The following SHKBP1 variants were observed in gnomAD, a reference collection of about 807,000 sequenced individuals.
The protein encoded by SHKBP1 is SH3KBP1 binding protein 1, also known as SH3KBP1-binding protein 1.
A neutral mutation model predicts 83.9 loss-of-function variants in SHKBP1; 71 were observed. That is an observed-to-expected ratio of 0.85 (90% CI 0.70 to 1.03). The LOEUF (loss-of-function observed/expected upper bound fraction) is 1.03, where lower values mean the gene tolerates loss of function less well. Ranked by LOEUF, SHKBP1 falls within the 50% of genes least tolerant of loss-of-function variation. SHKBP1 has a pLI of 0.00. For missense variants in SHKBP1, 824 were observed against 982.4 expected (o/e 0.84, Z 2.16); for synonymous variants, 371 against 398.0 (o/e 0.93, Z 0.81).
chr19:40,583,755 GCCAGCC>G (rs764678855), intron 12 of SHKBP1, 38 bp downstream of exon 12: 1 of 1,504,938 alleles, frequency 6.6e-7, no homozygotes, highest in Non-Finnish European at 9.2e-7. Flanking sequence ...GCTGTCACCT[GCCAGCC>G]CCAGCCCCAG....
At chr19:40,577,769 G>C in intron 4 of SHKBP1, 139 bp downstream of exon 4, 2 of 1,099,862 alleles carry the variant, frequency 1.8e-6, no homozygotes, top group South Asian at 2.6e-5. Flanking sequence ...GGGCGCGCCG[G>C]GATTGCTCAC....
chr19:40,576,993 TG>T lies in SHKBP1; in HGVS notation c.86+11del. ...GAATGTGGGAGGCAAGAGGTGAGTG[TG>T]GGAGACTCCTGAGGTCCCATCCTCG... On this transcript the variant is annotated intron_variant, in intron 1 of 17. Coordinates refer to ENST00000291842, the MANE Select transcript of SHKBP1 (RefSeq NM_138392.4). The T allele has an allele frequency of 6.6e-7, 1 of 1,513,460 alleles. No individual in the cohort carries two copies. The highest frequency in any genetic ancestry group is 8.9e-7 in the Non-Finnish European group (1 of 1,128,170). 93.8% of individuals were successfully genotyped at this position (1,513,460 alleles called of 1,614,324 possible). A position where few individuals can be genotyped will look rare whatever the true frequency, so the allele number is the denominator to read the frequency against.
intron 1 of SHKBP1, 115 bp from the exon 2 acceptor site, chr19:40,577,116 C>A: frequency 1.4e-6 from 2 of 1,385,956 alleles, no homozygotes; most frequent in South Asian, 1.3e-5. Flanking sequence ...GCGCGAGATT[C>A]TGGAAAAACG....
Position 40,580,593 on chromosome 19 carries a change from G to GC in SHKBP1, c.592dup (p.Leu198ProfsTer7). 6.2e-7 allele frequency: 1 copy of GC among 1,614,146 alleles called. No homozygotes were observed. Among genetic ancestry groups the GC allele is most frequent in the African/African-American group, 1.3e-5 (1 of 75,034 alleles). ...CAACCTGAGGAGCCGGGGATGGTGC[G>GC]CCTGGTGTGTGGACACCATAATTGG... On this transcript the variant is annotated frameshift_variant, in exon 8 of 18. Transcript: ENST00000291842. LOFTEE classifies it high-confidence loss of function.
intron 1 of SHKBP1, 102 bp downstream of exon 1, chr19:40,577,087 GCC>G (rs35684786): frequency 0.011 from 11,304 of 1,008,564 alleles, 20 homozygotes; most frequent in African/African-American, 0.02. Context: ...GGGTTGCTCC[GCC>G]CCCCCCCCCT....
chr19:40,591,285 C>A lies in SHKBP1; in HGVS notation c.*78C>A. On this transcript the variant is annotated 3_prime_UTR_variant, in exon 18 of 18. Transcript: ENST00000291842. ...TGCCTCCCTGATTCCTGTGGGAACC[C>A]CGGGTTCAGGGCCAGGGCCTCCTTG... The A allele has an allele frequency of 7.6e-7, 1 of 1,321,258 alleles. No individual in the cohort carries two copies. The highest frequency in any genetic ancestry group is 2.5e-5 in the Admixed American group (1 of 39,284). The allele number at this position is 1,321,258 out of a possible 1,614,324, so 81.8% of individuals were successfully genotyped here.
At position 40,578,690 on chromosome 19, in the gene SHKBP1, G is replaced by C; in HGVS notation, c.400+148G>C. 4 of 720,190 alleles carry C rather than the reference G, an allele frequency of 5.6e-6. No individual in the cohort carries two copies. In the Admixed American group the frequency reaches 9.5e-5, roughly 17 times the overall value. 44.6% of individuals were successfully genotyped at this position (720,190 alleles called of 1,614,324 possible). ...TATCAGATGCTTGGGCTGATGCTTGGAAAGGAAGTTGGACACAGCATTTCC... is the reference window on the plus strand; with the variant it reads ...TATCAGATGCTTGGGCTGATGCTTGCAAAGGAAGTTGGACACAGCATTTCC... On this transcript the variant is annotated intron_variant, in intron 6 of 17. Coordinates refer to ENST00000291842, the MANE Select transcript of SHKBP1 (RefSeq NM_138392.4).
In SHKBP1 at chr19:40,576,945, C is replaced by T; in HGVS notation, c.46C>T (p.Pro16Ser). ...TAAEGVPSRG[P>S]PGEVIHLNVG... ...AGCCGAGGGGGTCCCCAGTCGGGGG[C>T]CTCCCGGGGAAGTCATTCATCTGAA... Residue 16 changes from proline to serine, a missense_variant, in exon 1 of 18, where the codon CCT becomes TCT. Coordinates refer to ENST00000291842, the MANE Select transcript of SHKBP1 (RefSeq NM_138392.4). 1 of 1,497,412 alleles carries T rather than the reference C, an allele frequency of 6.7e-7. No homozygotes were observed. The highest frequency in any genetic ancestry group is 8.9e-7 in the Non-Finnish European group (1 of 1,127,772). The allele number at this position is 1,497,412 out of a possible 1,614,324, so 92.8% of individuals were successfully genotyped here.
intron 10 of SHKBP1, 29 bp downstream of exon 10, chr19:40,582,495 C>G (rs73051877): frequency 6.3e-7 from 1 of 1,597,842 alleles, no homozygotes. Context: ...CTGGCTGCCC[C>G]CTTCCCAGTT....
In SHKBP1 at chr19:40,578,511, C is replaced by G. The variant is rs763912330; in HGVS notation, c.369C>G (p.Asn123Lys). 4 of 1,614,142 alleles carry G rather than the reference C, an allele frequency of 2.5e-6. No homozygotes were observed. The highest frequency in any genetic ancestry group is 3.4e-6 in the Non-Finnish European group (4 of 1,180,028). Residue 123 changes from asparagine to lysine, a missense_variant, in exon 6 of 18, where the codon AAC becomes AAG. Around this residue, in one of 3 missense-constraint regions of SHKBP1, gnomAD observed 355 missense variants for 386.4 expected, o/e 0.92. Transcript: ENST00000291842. The stretch of plus-strand genomic sequence containing the variant: ...AGTTGGATCGATCTTCTTGTGGAAA[C>G]GTCCTCTTCAATGGTTACCTGCCGC... The part of the protein sequence containing the change: ...REELDRSSCG[N>K]VLFNGYLPPP...
rs1231852437 is a variant in SHKBP1 at position 40,577,968 on chromosome 19, CA to C, written c.261-185del. 1.8e-4 allele frequency: 118 copies of C among 672,756 alleles called. No homozygotes were observed. In the African/African-American group the frequency reaches 1.8e-3, roughly 10 times the overall value. 41.7% of individuals were successfully genotyped at this position (672,756 alleles called of 1,614,324 possible). A position where few individuals can be genotyped will look rare whatever the true frequency, so the allele number is the denominator to read the frequency against. Reference sequence around the variant, plus strand: ...CTCCCTACACACACACACACACACACACACACACACACACACACACACACTC... The same window carrying C: ...CTCCCTACACACACACACACACACACCACACACACACACACACACACACTC... On this transcript the variant is annotated intron_variant, in intron 4 of 17. Transcript: ENST00000291842.
chr19:40,590,724 C>T lies in SHKBP1; in HGVS notation c.1769-6C>T. ...TGCCCCCTGACCCTGCTTCCGTGCC[C>T]CCCAGCAGGTGGCCTGACGGAGCAA... On this transcript the variant is annotated splice_polypyrimidine_tract_variant and splice_region_variant and intron_variant, in intron 16 of 17. Transcript: ENST00000291842. This position sits in a 1 kb window ranked among gnomAD's most constrained non-coding sequence, Gnocchi z 4.6. 1.3e-6 allele frequency: 2 copies of T among 1,582,460 alleles called. No homozygotes were observed. Among genetic ancestry groups the T allele is most frequent in the Non-Finnish European group, 1.7e-6 (2 of 1,158,628 alleles).
Position 40,580,897 on chromosome 19 carries a change from C to CTATG in SHKBP1, c.806_809dup (p.Trp270CysfsTer63). The CTATG allele has an allele frequency of 6.2e-7, 1 of 1,603,550 alleles. No homozygotes were observed. The highest frequency in any genetic ancestry group is 8.5e-7 in the Non-Finnish European group (1 of 1,174,044). ...AGCAGCCACCGGCAGCGAGATCCTG[C>CTATG]TATGGGCTCTGCAGGCGGAAGGCGG... On this transcript the variant is annotated frameshift_variant, in exon 9 of 18. Coordinates refer to ENST00000291842, the MANE Select transcript of SHKBP1 (RefSeq NM_138392.4). LOFTEE classifies it high-confidence loss of function.
chr19:40,586,344 G>C (rs1227689695), intron 12 of SHKBP1, among the ~76,000 whole-genome samples: 4 of 150,418 alleles, frequency 2.7e-5, no homozygotes. Flanking sequence ...CTGTGTCTCT[G>C]TTCTGTGTCT....
chr19:40,588,813 G>A (rs778377412), intron 14 of SHKBP1, 34 bp downstream of exon 14: 1 of 1,607,142 alleles, frequency 6.2e-7, no homozygotes, highest in East Asian at 2.2e-5. Context: ...CCACCCCACT[G>A]ACCCCCTTAC....
chr19:40,580,464 A>G lies in SHKBP1; in HGVS notation c.541A>G (p.Lys181Glu). ...GCTGCTGGGCCGAATGCTGGATGAGAAAACCCCTCCCTCACCCTCAGGTAC... is the reference window on the plus strand; with the variant it reads ...GCTGCTGGGCCGAATGCTGGATGAGGAAACCCCTCCCTCACCCTCAGGTAC... ...AGLLGRMLDE[K>E]TPPSPSGQPE... is the part of the protein sequence containing the mutation. Residue 181 changes from lysine (K) to glutamate (E), a missense_variant, in exon 7 of 18, where the codon AAA (lysine) becomes GAA (glutamate). By Grantham distance (56) the Lys-to-Glu change is moderately conservative. Around this residue, in one of 3 missense-constraint regions of SHKBP1, gnomAD observed 355 missense variants for 386.4 expected, o/e 0.92. Transcript: ENST00000291842. 6.2e-7 allele frequency: 1 copy of G among 1,612,180 alleles called. No homozygotes were observed. Among genetic ancestry groups the G allele is most frequent in the South Asian group, 1.1e-5 (1 of 91,024 alleles).
Position 40,589,153 on chromosome 19 carries a change from G to C in SHKBP1, c.1564G>C (p.Val522Leu). The stretch of plus-strand genomic sequence containing the variant: ...GGTGCCCAGTGCCAGCCAGCTCTTC[G>C]TGCGTCTCTCATCTACTGGGCAGCG... ...KVVPSASQLF[V>L]RLSSTGQRVC... Residue 522 changes from valine to leucine, a missense_variant, in exon 15 of 18, where the codon GTG (valine) becomes CTG (leucine). Physicochemically the swap from Val to Leu is conservative, Grantham distance 32. Coordinates refer to ENST00000291842, the MANE Select transcript of SHKBP1 (RefSeq NM_138392.4). 2 of 1,613,152 alleles carry C rather than the reference G, an allele frequency of 1.2e-6. No homozygotes were observed. The highest frequency in any genetic ancestry group is 8.5e-7 in the Non-Finnish European group (1 of 1,179,878).
rs540962684 is a variant in SHKBP1, at chr19:40,578,285, C to T, written c.319+73C>T. 152 of 1,533,946 alleles carry T rather than the reference C, an allele frequency of 9.9e-5. 3 individuals carry two copies. The South Asian group carries it at 1.7e-3, about 17-fold the overall frequency. ...TCTGTGATGCTACCTGCCCCTCTTC[C>T]CCTTCTCTCCTGAAAGAGGGCTGGG... On this transcript the variant is annotated intron_variant, in intron 5 of 17. Transcript: ENST00000291842.
chr19:40,589,520 T>G, intron 15 of SHKBP1, among the ~76,000 whole-genome samples: 2 of 8,614 alleles, frequency 2.3e-4, no homozygotes, highest in Non-Finnish European at 2.2e-4. Context: ...CGGGGTGGGA[T>G]GGGGGGACCA....
Sources: allele counts gnomAD v4.1 joint callset (sites outside exome capture counted in the v4.1 genomes callset), GRCh38; gene constraint gnomAD v4.1.1; regional missense constraint gnomAD v4.1.1; non-coding constraint Gnocchi (gnomAD v3.1); transcripts MANE v1.5; gene names NCBI Gene and HGNC (gene_info 2026-07-23, HGNC 2026-07-21).